Variants in SSNA1 observed in about 807,000 individuals in gnomAD.
SSNA1 encodes SS nuclear autoantigen 1, also known as microtubule nucleation factor SSNA1.
In SSNA1, 13 loss-of-function variants were observed where a neutral mutation model predicts 13.3. That is an observed-to-expected ratio of 0.97 (90% CI 0.63 to 1.55). The LOEUF (loss-of-function observed/expected upper bound fraction) is 1.55. SSNA1 is among the 40% of genes most tolerant of loss of function. The pLI, the probability that SSNA1 is intolerant of heterozygous loss-of-function variation, is 0.00. For synonymous variants in SSNA1, 89 were observed against 65.9 expected (o/e 1.35, Z -1.70); for missense variants, 186 against 152.7 (o/e 1.22, Z -1.15).
In SSNA1 at chr9:137,190,017, C is replaced by T. The variant is rs1331381456; in HGVS notation, c.*103C>T. On this transcript the variant is annotated 3_prime_UTR_variant, in exon 3 of 3. Transcript: ENST00000322310. Reference sequence around the variant, plus strand: ...CTTCACGGCAGCAGCTACCTTCCCTCACTGTCTCAGGTGCCGAGAGGGGCA... The same window carrying T: ...CTTCACGGCAGCAGCTACCTTCCCTTACTGTCTCAGGTGCCGAGAGGGGCA... 2 of 1,082,574 alleles carry T rather than the reference C, an allele frequency of 1.8e-6. No individual in the cohort carries two copies. The highest frequency in any genetic ancestry group is 2.6e-5 in the East Asian group (1 of 39,196). 67.1% of individuals were successfully genotyped at this position (1,082,574 alleles called of 1,614,324 possible).
chr9:137,188,915 G>A, intron 1 of SSNA1, 137 bp downstream of exon 1: 1 of 1,321,222 alleles, frequency 7.6e-7, no homozygotes, highest in Non-Finnish European at 9.9e-7. Context: ...GAGGCCGGGT[G>A]TCCGTGGCCC....
intron 1 of SSNA1, 86 bp downstream of exon 1, chr9:137,188,864 C>T (rs1834545060): frequency 4.9e-6 from 7 of 1,423,704 alleles, no homozygotes; most frequent in Non-Finnish European, 6.4e-6. Context: ...GGACCCGCCT[C>T]GCTGCGGGCA....
intron 2 of SSNA1, 51 bp downstream of exon 2, chr9:137,189,316 T>C (rs904495872): frequency 6.3e-7 from 1 of 1,599,226 alleles, no homozygotes; most frequent in East Asian, 2.2e-5. Context: ...ACGGCAGGGG[T>C]GTTGCCACGG....
Position 137,189,884 on chromosome 9 carries a change from C to A in SSNA1, c.330C>A (p.Asp110Glu). 1.2e-6 allele frequency: 2 copies of A among 1,613,934 alleles called. No homozygotes were observed. The highest frequency in any genetic ancestry group is 1.3e-5 in the African/African-American group (1 of 75,068). The part of the protein sequence containing the change: ...AGNLTKATAP[D>E]QKSSGGRDS The stretch of plus-strand genomic sequence containing the variant: ...ACCTGACCAAGGCTACAGCCCCAGA[C>A]CAGAAAAGTAGCGGCGGCAGGGACA... The change falls in exon 3 of 3, where the codon GAC becomes GAA. Residue 110 changes from aspartate to glutamate, a missense_variant. Transcript: ENST00000322310.
Position 137,190,046 on chromosome 9 carries a change from GC to G in SSNA1, c.*134del. The G allele has an allele frequency of 2.5e-6, 2 of 801,148 alleles. No homozygotes were observed. Among genetic ancestry groups the G allele is most frequent in the Non-Finnish European group, 4.0e-6 (2 of 501,966 alleles). 49.6% of individuals were successfully genotyped at this position (801,148 alleles called of 1,614,324 possible). A position where few individuals can be genotyped will look rare whatever the true frequency, so the allele number is the denominator to read the frequency against. ...GTCTCAGGTGCCGAGAGGGGCAGGT[GC>G]CAGCCTCCACTGGCATCAGTGACAA... On this transcript the variant is annotated 3_prime_UTR_variant, in exon 3 of 3. Transcript: ENST00000322310.
chr9:137,189,784 C>A, intron 2 of SSNA1, 23 bp from the exon 3 acceptor site: 1 of 1,607,818 alleles, frequency 6.2e-7, no homozygotes, highest in Non-Finnish European at 8.5e-7. Flanking sequence ...ACATTAACAA[C>A]CTTCTCACTT....
In SSNA1 at chr9:137,189,836, C is replaced by T. The variant is rs545789897; in HGVS notation, c.282C>T (p.Ser94=). 1.1e-4 allele frequency: 183 copies of T among 1,613,988 alleles called. 3 individuals carry two copies. In the South Asian group the frequency reaches 1.9e-3, roughly 17 times the overall value. ...TGGAGAGCTCCCAGACTTTGCTCAGCGTTCTCAAGAGGGAAGCTGGGAACC... is the reference window on the plus strand; with the variant it reads ...TGGAGAGCTCCCAGACTTTGCTCAGTGTTCTCAAGAGGGAAGCTGGGAACC... ...KILESSQTLL[S]VLKREAGNLT... is the part of the protein sequence containing the mutation. The change falls in exon 3 of 3, where the codon AGC becomes AGT. Residue 94 remains serine (S), a synonymous_variant. Transcript: ENST00000322310.
rs1200387566 is a variant in SSNA1, at chr9:137,190,099, C to T, written c.*185C>T. The T allele has an allele frequency of 3.4e-6, 2 of 589,210 alleles. No homozygotes were observed. The allele number at this position is 589,210 out of a possible 1,614,324, so 36.5% of individuals were successfully genotyped here. ...CCCAGGGCACAGCCCACCCGGGGGTCCTCGCTTCATGCTCACACAGGCTAT... is the reference window on the plus strand; with the variant it reads ...CCCAGGGCACAGCCCACCCGGGGGTTCTCGCTTCATGCTCACACAGGCTAT... On this transcript the variant is annotated 3_prime_UTR_variant, in exon 3 of 3. Transcript: ENST00000322310.
Position 137,190,274 on chromosome 9 carries a change from A to G in SSNA1, c.*360A>G. The stretch of plus-strand genomic sequence containing the variant: ...AGCCAGCAGAGGCCCAGGGCAAGGG[A>G]CAGGAGGACAGGGGTTCTCCTTCAC... On this transcript the variant is annotated 3_prime_UTR_variant, in exon 3 of 3. Coordinates refer to ENST00000322310, the MANE Select transcript of SSNA1 (RefSeq NM_003731.3). 1 of 284,938 alleles carries G rather than the reference A, an allele frequency of 3.5e-6. No individual in the cohort carries two copies. The highest frequency in any genetic ancestry group is 6.8e-6 in the Non-Finnish European group (1 of 146,522). The allele number at this position is 284,938 out of a possible 1,614,324, so 17.7% of individuals were successfully genotyped here. A position where few individuals can be genotyped will look rare whatever the true frequency, so the allele number is the denominator to read the frequency against.
At position 137,189,077 on chromosome 9, in the gene SSNA1, C is replaced by A; in HGVS notation, c.64C>A (p.Leu22Met). The change falls in exon 2 of 3, where the codon CTG (leucine) becomes ATG (methionine). Residue 22 changes from leucine (L) to methionine (M), a missense_variant. Leu to Met is a conservative substitution (Grantham distance 15). Transcript: ENST00000322310. ...CTCCCGGCCCCCAGGCATAGAGGAG[C>A]TGTGCCAGAAGCGGGAGGAGCTGTG... is the stretch of plus-strand genomic sequence containing the variant. Reference protein sequence around the residue: ...NNELVKCIEELCQKREELCRQ... With the variant: ...NNELVKCIEEMCQKREELCRQ... 6.4e-7 allele frequency: 1 copy of A among 1,572,194 alleles called. No individual in the cohort carries two copies. Among genetic ancestry groups the A allele is most frequent in the Non-Finnish European group, 8.6e-7 (1 of 1,157,932 alleles).
chr9:137,189,572 GCTAAC>G, intron 2 of SSNA1, among the ~76,000 whole-genome samples: 1 of 152,370 alleles, frequency 6.6e-6, no homozygotes, highest in Non-Finnish European at 1.5e-5. Context: ...ACGGGCCAGT[GCTAAC>G]CCAGCCTGGC....
rs1294856694 is a variant in SSNA1 at position 137,189,903 on chromosome 9, AGGGACAGCT to A, written c.351_359del (p.Asp118_Ter120delextTer97). 26 of 1,613,298 alleles carry A rather than the reference AGGGACAGCT, an allele frequency of 1.6e-5. No homozygotes were observed. The highest frequency in any genetic ancestry group is 1.9e-5 in the Non-Finnish European group (23 of 1,179,922). ...CCCAGACCAGAAAAGTAGCGGCGGC[AGGGACAGCT>A]GACCAGACCACGGGCAGGGCCTGCC... On this transcript the variant is annotated stop_lost and inframe_deletion, in exon 3 of 3. Coordinates refer to ENST00000322310, the MANE Select transcript of SSNA1 (RefSeq NM_003731.3).
chr9:137,189,370 G>A, intron 2 of SSNA1, 105 bp downstream of exon 2: 1 of 1,335,838 alleles, frequency 7.5e-7, no homozygotes, highest in Non-Finnish European at 1.1e-6. Context: ...TGGGCAGTCT[G>A]TGCCTCGCTG....
At chr9:137,189,716 C>T in intron 2 of SSNA1, 91 bp from the exon 3 acceptor site, 1 of 1,211,988 alleles carries the variant, frequency 8.3e-7, no homozygotes, top group African/African-American at 1.5e-5. Flanking sequence ...CACCCCCAGC[C>T]AGGTCCCAGC....
rs1489691913 is a variant in SSNA1 at position 137,189,089 on chromosome 9, C to T, written c.76C>T (p.Arg26Trp). Residue 26 changes from arginine (R) to tryptophan (W), a missense_variant, in exon 2 of 3, where the codon CGG becomes TGG. By Grantham distance (101) the Arg-to-Trp change is moderately radical (BLOSUM62 -3). Transcript: ENST00000322310. ...AGGCATAGAGGAGCTGTGCCAGAAG[C>T]GGGAGGAGCTGTGCCGGCAGATCCA... ...VKCIEELCQKREELCRQIQEE... is the reference protein window; with the variant it reads ...VKCIEELCQKWEELCRQIQEE... 1.9e-6 allele frequency: 3 copies of T among 1,583,630 alleles called. No individual in the cohort carries two copies. The highest frequency in any genetic ancestry group is 4.7e-5 in the East Asian group (2 of 42,982).
chr9:137,190,007 T>A lies in SSNA1; in HGVS notation c.*93T>A. On this transcript the variant is annotated 3_prime_UTR_variant, in exon 3 of 3. Coordinates refer to ENST00000322310, the MANE Select transcript of SSNA1 (RefSeq NM_003731.3). ...CATCTTTGTTCTTCACGGCAGCAGC[T>A]ACCTTCCCTCACTGTCTCAGGTGCC... 8.7e-7 allele frequency: 1 copy of A among 1,148,448 alleles called. No individual in the cohort carries two copies. The highest frequency in any genetic ancestry group is 1.3e-6 in the Non-Finnish European group (1 of 788,552). 71.1% of individuals were successfully genotyped at this position (1,148,448 alleles called of 1,614,324 possible). A position where few individuals can be genotyped will look rare whatever the true frequency, so the allele number is the denominator to read the frequency against.
Position 137,188,684 on chromosome 9 carries a change from T to G in SSNA1, c.-43T>G. 1 of 1,572,952 alleles carries G rather than the reference T, an allele frequency of 6.4e-7. No homozygotes were observed. Among genetic ancestry groups the G allele is most frequent in the Non-Finnish European group, 8.6e-7 (1 of 1,168,524 alleles). ...CGTGCGCAGGCGCGGACAGCGCTGC[T>G]TCCGCGGCGGTTGGGGTGGTGGGGC... On this transcript the variant is annotated 5_prime_UTR_variant, in exon 1 of 3. Transcript: ENST00000322310.
rs1356713085 is a variant in SSNA1, at chr9:137,189,819, T to C, written c.265T>C (p.Ser89Pro). ...EAAYLKILES[S>P]QTLLSVLKRE... is the part of the protein sequence containing the mutation. The stretch of plus-strand genomic sequence containing the variant: ...TCTCTGGCCCCAGATCCTGGAGAGC[T>C]CCCAGACTTTGCTCAGCGTTCTCAA... The change falls in exon 3 of 3, where the codon TCC becomes CCC. Residue 89 changes from serine (S) to proline (P), a missense_variant. By Grantham distance (74) the Ser-to-Pro change is moderately conservative. Transcript: ENST00000322310. 6.2e-7 allele frequency: 1 copy of C among 1,613,906 alleles called. No homozygotes were observed. Among genetic ancestry groups the C allele is most frequent in the South Asian group, 1.1e-5 (1 of 91,086 alleles).
chr9:137,190,241 CCCT>C lies in SSNA1; in HGVS notation c.*332_*334del, dbSNP rs1443317155. The C allele has an allele frequency of 6.0e-6, 2 of 333,512 alleles. No homozygotes were observed. The highest frequency in any genetic ancestry group is 3.2e-5 in the South Asian group (1 of 30,894). The allele number at this position is 333,512 out of a possible 1,614,324, so 20.7% of individuals were successfully genotyped here. The stretch of plus-strand genomic sequence containing the variant: ...CACCATGGGGGCCCCCTCACCTTGT[CCCT>C]CCTCAGCCAGCAGAGGCCCAGGGCA... On this transcript the variant is annotated 3_prime_UTR_variant, in exon 3 of 3. Transcript: ENST00000322310.
Sources: allele counts gnomAD v4.1 joint callset (sites outside exome capture counted in the v4.1 genomes callset), GRCh38; gene constraint gnomAD v4.1.1; transcripts MANE v1.5; gene names NCBI Gene and HGNC (gene_info 2026-07-23, HGNC 2026-07-21).